Variants in RNF216 observed in about 807,000 individuals in gnomAD.
RNF216 encodes E3 ubiquitin-protein ligase RNF216.
In RNF216, 72 loss-of-function variants were observed where a neutral mutation model predicts 110.8. That is an observed-to-expected ratio of 0.65 (90% CI 0.54 to 0.79). The LOEUF is 0.79. Among genes scored for constraint, RNF216 ranks in the 30% least tolerant of loss-of-function variants. The pLI, the probability that RNF216 is intolerant of heterozygous loss-of-function variation, is 0.00. For synonymous variants in RNF216, 495 were observed against 407.5 expected, an observed-to-expected ratio of 1.21 and a Z score of -2.59; for missense variants, 1,342 against 1,141.2, an observed-to-expected ratio of 1.18 and a Z score of -2.54.
chr7:5,639,082 C>G (rs1329081936), intron 15 of RNF216, among the ~76,000 whole-genome samples: 3 of 152,232 alleles, frequency 2.0e-5, no homozygotes, highest in Admixed American at 2.0e-4. Flanking sequence ...TCCCGTCTCA[C>G]TTGCAGTTGA....
intron 1 of RNF216, among the ~76,000 whole-genome samples, chr7:5,768,813 C>G (rs1190149908): frequency 2.0e-5 from 3 of 151,854 alleles, no homozygotes; most frequent in Non-Finnish European, 2.9e-5. Context: ...AGGCGCCCAC[C>G]ACCACGCCCG....
At chr7:5,655,939 C>G (rs960069772) in intron 13 of RNF216, among the ~76,000 whole-genome samples, 2 of 150,584 alleles carry the variant, frequency 1.3e-5, no homozygotes, top group Admixed American at 6.6e-5. Flanking sequence ...TTACTGCAAC[C>G]TCCACCTCCT....
At chr7:5,623,739 G>A (rs1430811326) in intron 16 of RNF216, among the ~76,000 whole-genome samples, 1 of 152,190 alleles carries the variant, frequency 6.6e-6, no homozygotes, top group African/African-American at 2.4e-5. Context: ...TGGCTTCACT[G>A]CTTTTCAGCC....
intron 10 of RNF216, among the ~76,000 whole-genome samples, 192 bp downstream of exon 10, chr7:5,716,524 A>C (rs117238116): frequency 0.02 from 3,016 of 152,070 alleles, 46 homozygotes; most frequent in Non-Finnish European, 0.032. Context: ...TCTTCCCTTC[A>C]ATTCTGATTC....
At chr7:5,747,038 G>C (rs959525844) in intron 3 of RNF216, among the ~76,000 whole-genome samples, 1 of 152,200 alleles carries the variant, frequency 6.6e-6, no homozygotes. Context: ...ATAAACTAAT[G>C]TAACTCCTAC....
rs1390104727 is a variant in RNF216 at position 5,679,574 on chromosome 7, A to T, written c.2062-27064T>A. The stretch of plus-strand genomic sequence containing the variant: ...CCTGCCTCACATTTCTGGAAGCCTA[A>T]GTGATCACCAGATGTGCAATTATTT... On this transcript the variant is annotated intron_variant, in intron 13 of 16. Transcript: ENST00000389902. Among the ~76,000 whole-genome samples the T allele has an allele frequency of 3.3e-5, 5 of 152,338 alleles. No homozygotes were observed. The East Asian group carries it at 9.6e-4, about 29-fold the overall frequency.
intron 5 of RNF216, among the ~76,000 whole-genome samples, chr7:5,734,871 G>A (rs1794304650): frequency 1.3e-5 from 1 of 76,850 alleles, no homozygotes. Context: ...TAAATAAAAG[G>A]TTTGCAGGGC....
chr7:5,683,737 A>G (rs546513647), intron 13 of RNF216, among the ~76,000 whole-genome samples: 1 of 152,364 alleles, frequency 6.6e-6, no homozygotes, highest in African/African-American at 2.4e-5. Flanking sequence ...AACTGTTTTT[A>G]AAGTGCTCAG....
Position 5,754,161 on chromosome 7 carries a change from T to TGC in RNF216, c.68-1184_68-1183dup, listed in dbSNP as rs1554263567. On this transcript the variant is annotated intron_variant, in intron 2 of 16. Transcript: ENST00000389902. ...GTGTGTGTGTGTGTGTGTGTGTGTG[T>TGC]GCGCATTTGTCTGGGACAGGGTCTT... Among the ~76,000 whole-genome samples the TGC allele has an allele frequency of 1.9e-3, 261 of 135,820 alleles. 2 individuals carry two copies. The highest frequency in any genetic ancestry group is 5.8e-3 in the East Asian group (27 of 4,682). 89.1% of individuals were successfully genotyped at this position (135,820 alleles called of 152,430 possible). A position where few individuals can be genotyped will look rare whatever the true frequency, so the allele number is the denominator to read the frequency against.
rs1455013093 is a variant in RNF216, at chr7:5,620,759, TTCTGCAGCTGCTGCCTGCTCCCTTTG to T, written c.*2075_*2100del. On this transcript the variant is annotated 3_prime_UTR_variant, in exon 17 of 17. Transcript: ENST00000389902. ...GAGGCCAGCACCTGTCTAGGGCTGTTTCTGCAGCTGCTGCCTGCTCCCTTTGTCCTGCCTGGGGCTCTTGCTGGAGC... is the reference window on the plus strand; with the variant it reads ...GAGGCCAGCACCTGTCTAGGGCTGTTTCCTGCCTGGGGCTCTTGCTGGAGC... 1.3e-5 allele frequency: 2 copies of T among 152,514 alleles called. No individual in the cohort carries two copies. The highest frequency in any genetic ancestry group is 6.5e-5 in the Admixed American group (1 of 15,296). The allele number at this position is 152,514 out of a possible 1,614,324, so 9.4% of individuals were successfully genotyped here.
At position 5,641,769 on chromosome 7, in the gene RNF216, GC is replaced by G. The variant is rs532130709; in HGVS notation, c.2160-394del. ...GAGAGAACAGGCTGAGCATGGTGGT[GC>G]ACGCCTGTAATCCCAGAACTTTGAG... is the stretch of plus-strand genomic sequence containing the variant. On this transcript the variant is annotated intron_variant, in intron 14 of 16. Transcript: ENST00000389902. Among the ~76,000 whole-genome samples, 521 of 152,144 alleles carry G rather than the reference GC, an allele frequency of 3.4e-3. 2 individuals are homozygous for G. Among genetic ancestry groups the G allele is most frequent in the African/African-American group, 0.012 (487 of 41,514 alleles).
chr7:5,720,792 G>C (rs1584509280), intron 9 of RNF216, among the ~76,000 whole-genome samples: 1 of 152,162 alleles, frequency 6.6e-6, no homozygotes, highest in Non-Finnish European at 1.5e-5. Flanking sequence ...GGCTGAGGGA[G>C]GAGGTAAAAT....
intron 15 of RNF216, among the ~76,000 whole-genome samples, chr7:5,625,795 T>C (rs1033974113): frequency 6.6e-6 from 1 of 152,234 alleles, no homozygotes; most frequent in African/African-American, 2.4e-5. Flanking sequence ...GTTTGGTAGA[T>C]GAAAGATTCT....
At chr7:5,770,428 T>A (rs1015048218) in intron 1 of RNF216, among the ~76,000 whole-genome samples, 2 of 147,940 alleles carry the variant, frequency 1.4e-5, no homozygotes, top group African/African-American at 5.0e-5. Flanking sequence ...GCCAATGCAC[T>A]CCAGCCTGGG....
Position 5,702,317 on chromosome 7 carries a change from T to C in RNF216, c.2061+9444A>G, listed in dbSNP as rs979052379. Among the ~76,000 whole-genome samples, 6 of 152,278 alleles carry C rather than the reference T, an allele frequency of 3.9e-5. No homozygotes were observed. In the East Asian group the frequency reaches 5.8e-4, roughly 15 times the overall value. ...GGCAGGTGCTTCTACCATTAGCATC[T>C]GACATGAGGGATAAAGTAGCTGAAA... On this transcript the variant is annotated intron_variant, in intron 13 of 16. Transcript: ENST00000389902.
At chr7:5,719,554 G>A (rs1426460785) in intron 9 of RNF216, among the ~76,000 whole-genome samples, 1 of 152,114 alleles carries the variant, frequency 6.6e-6, no homozygotes, top group Non-Finnish European at 1.5e-5. Flanking sequence ...TCAGAGATGG[G>A]ACAATGTGAA....
intron 13 of RNF216, among the ~76,000 whole-genome samples, chr7:5,685,192 C>T (rs1020629564): frequency 2.6e-5 from 4 of 152,160 alleles, no homozygotes; most frequent in South Asian, 2.1e-4. Context: ...ATGTCCACCA[C>T]GGATGGGTGG....
chr7:5,644,511 A>AT (rs577551076), intron 14 of RNF216, among the ~76,000 whole-genome samples: 7,740 of 144,902 alleles, frequency 0.053, 235 homozygotes, highest in East Asian at 0.1. Flanking sequence ...TTGTTTGCCC[A>AT]TTTTTTTTTT....
At chr7:5,729,970 C>G (rs1793992840) in intron 6 of RNF216, among the ~76,000 whole-genome samples, 1 of 152,176 alleles carries the variant, frequency 6.6e-6, no homozygotes, top group African/African-American at 2.4e-5. Context: ...AAAGTTAGTT[C>G]TCAACCATAC....
Sources: gnomAD v4.1 joint callset for allele counts (sites outside exome capture counted in the v4.1 genomes callset) on GRCh38, gnomAD v4.1.1 for gene constraint, MANE v1.5 for transcripts, NCBI Gene and HGNC (gene_info 2026-07-23, HGNC 2026-07-21) for gene names.